Variants in WWOX observed in about 807,000 individuals in gnomAD.
The protein encoded by WWOX is WW domain-containing oxidoreductase.
In WWOX, 69 loss-of-function variants were observed where a neutral mutation model predicts 46.2. The ratio of observed to expected loss-of-function variants is 1.49; its 90% CI spans 1.23 to 1.82. WWOX has a LOEUF of 1.82. WWOX is among the 40% of genes most tolerant of loss of function. The probability of loss-of-function intolerance (pLI) is 0.00; values close to 1 mark genes in which losing one functional copy is unlikely to be tolerated. For synonymous variants in WWOX, 359 were observed against 202.6 expected (o/e 1.77, Z -6.56); for missense variants, 919 against 542.6 (o/e 1.69, Z -6.89).
chr16:79,138,673 C>G (rs2050029843), intron 8 of WWOX, among the ~76,000 whole-genome samples: 1 of 152,198 alleles, frequency 6.6e-6, no homozygotes, highest in South Asian at 2.1e-4. Flanking sequence ...GCCATGATCA[C>G]AACTCTCTAA....
At chr16:78,114,888 A>G in intron 3 of WWOX, 88 bp from the exon 4 acceptor site, 1 of 1,566,120 alleles carries the variant, frequency 6.4e-7, no homozygotes, top group Non-Finnish European at 8.7e-7. Context: ...TCTATGAAAA[A>G]TGGGGTTTTC....
intron 8 of WWOX, among the ~76,000 whole-genome samples, chr16:79,089,068 A>G (rs1361275087): frequency 6.6e-6 from 1 of 152,142 alleles, no homozygotes; most frequent in African/African-American, 2.4e-5. Context: ...TCTTTTCTGT[A>G]TGCAGTTAAT....
At chr16:78,571,947 A>G (rs1200292748) in intron 8 of WWOX, among the ~76,000 whole-genome samples, 1 of 152,234 alleles carries the variant, frequency 6.6e-6, no homozygotes, top group Non-Finnish European at 1.5e-5. Context: ...TACTAAGGTC[A>G]TAACAAGCAC....
At chr16:78,845,736 G>T (rs1400687400) in intron 8 of WWOX, among the ~76,000 whole-genome samples, 3 of 152,180 alleles carry the variant, frequency 2.0e-5, no homozygotes, top group African/African-American at 7.2e-5. Context: ...GTGACAAAAT[G>T]GTTGAAGGTT....
intron 8 of WWOX, among the ~76,000 whole-genome samples, chr16:79,175,006 A>G (rs1351723133): frequency 6.6e-6 from 1 of 152,158 alleles, no homozygotes; most frequent in Admixed American, 6.5e-5. Context: ...CTCCCTCAGC[A>G]TACCGTGTCT....
chr16:78,885,192 CT>C (rs58558697), intron 8 of WWOX, among the ~76,000 whole-genome samples: 4,817 of 127,656 alleles, frequency 0.038, 148 homozygotes, highest in African/African-American at 0.099. Flanking sequence ...TCACTCTCTA[CT>C]TTTTTTTTTT....
chr16:78,367,245 C>T (rs1364996040), intron 5 of WWOX, among the ~76,000 whole-genome samples: 1 of 152,094 alleles, frequency 6.6e-6, no homozygotes, highest in Non-Finnish European at 1.5e-5. Flanking sequence ...TCCCAAAGTG[C>T]TGGGATTACA....
At chr16:78,612,602 A>G (rs1328560014) in intron 8 of WWOX, among the ~76,000 whole-genome samples, 1 of 152,172 alleles carries the variant, frequency 6.6e-6, no homozygotes, top group Admixed American at 6.5e-5. Flanking sequence ...CAGCCTGCCA[A>G]GTAGGACTAC....
chr16:78,521,317 A>G (rs554547908), intron 8 of WWOX, among the ~76,000 whole-genome samples: 1 of 152,186 alleles, frequency 6.6e-6, no homozygotes, highest in East Asian at 1.9e-4. Context: ...TCAGCCTCCC[A>G]AAGTGCTGGA....
At chr16:79,193,409 A>G (rs1188075647) in intron 8 of WWOX, among the ~76,000 whole-genome samples, 1 of 152,188 alleles carries the variant, frequency 6.6e-6, no homozygotes, top group African/African-American at 2.4e-5. Flanking sequence ...TTTATGCCTC[A>G]CTGAAACTTG....
At chr16:78,135,985 T>A (rs1225704643) in intron 4 of WWOX, among the ~76,000 whole-genome samples, 1 of 152,234 alleles carries the variant, frequency 6.6e-6, no homozygotes, top group Non-Finnish European at 1.5e-5. Context: ...TAAAATTATA[T>A]TAAAGTCCAA....
At chr16:78,536,227 C>G (rs1254473565) in intron 8 of WWOX, among the ~76,000 whole-genome samples, 1 of 152,068 alleles carries the variant, frequency 6.6e-6, no homozygotes, top group Non-Finnish European at 1.5e-5. Context: ...CCTTTTGCCC[C>G]CACCAAAATG....
intron 8 of WWOX, among the ~76,000 whole-genome samples, chr16:78,462,214 C>G (rs1321016788): frequency 6.6e-6 from 1 of 152,016 alleles, no homozygotes; most frequent in African/African-American, 2.4e-5. Context: ...AGCGATGATC[C>G]TAAATATCTT....
chr16:79,186,380 G>T (rs556843795), intron 8 of WWOX, among the ~76,000 whole-genome samples: 99 of 152,294 alleles, frequency 6.5e-4, no homozygotes, highest in African/African-American at 2.3e-3. Context: ...GCTTCCGGTG[G>T]TTCAGTGGCA....
chr16:78,953,341 C>T (rs1026988909), intron 8 of WWOX, among the ~76,000 whole-genome samples: 3 of 152,102 alleles, frequency 2.0e-5, no homozygotes. Flanking sequence ...AGAGAACAAA[C>T]TCTTTTTAAG....
intron 8 of WWOX, among the ~76,000 whole-genome samples, chr16:79,021,619 A>T (rs1189139355): frequency 2.0e-5 from 3 of 152,230 alleles, no homozygotes; most frequent in Admixed American, 6.5e-5. Context: ...CTCTCGCGTG[A>T]TAGGAAAATA....
At chr16:78,671,313 T>C (rs1329903923) in intron 8 of WWOX, among the ~76,000 whole-genome samples, 2 of 152,084 alleles carry the variant, frequency 1.3e-5, no homozygotes, top group Non-Finnish European at 2.9e-5. Context: ...TAGTCCCAGC[T>C]ACTTGGGAGG....
At chr16:78,730,662 G>A (rs1265218352) in intron 8 of WWOX, among the ~76,000 whole-genome samples, 1 of 141,272 alleles carries the variant, frequency 7.1e-6, no homozygotes, top group Admixed American at 7.5e-5. Context: ...GTCTTGCTGT[G>A]TTGCCCGGGA....
intron 8 of WWOX, among the ~76,000 whole-genome samples, chr16:79,189,793 G>T (rs996717246): frequency 7.9e-5 from 12 of 151,638 alleles, no homozygotes; most frequent in African/African-American, 2.7e-4. Flanking sequence ...ACCTGCTCCC[G>T]GTGGGAGGGG....
Sources: gnomAD v4.1 joint callset for allele counts (sites outside exome capture counted in the v4.1 genomes callset) on GRCh38, gnomAD v4.1.1 for gene constraint, MANE v1.5 for transcripts, NCBI Gene and HGNC (gene_info 2026-07-23, HGNC 2026-07-21) for gene names.